Variants in TMTC4 observed in about 807,000 individuals in gnomAD.
TMTC4 encodes transmembrane O-mannosyltransferase targeting cadherins 4, also known as protein O-mannosyl-transferase TMTC4.
Under a neutral mutation model 86.0 loss-of-function variants are expected in TMTC4, and 65 were observed. The observed-to-expected ratio is 0.76, with a 90% CI of 0.62 to 0.93. The LOEUF is 0.93. Among genes scored for constraint, TMTC4 ranks in the 40% least tolerant of loss-of-function variants. TMTC4 has a pLI of 0.00. For missense variants in TMTC4, 866 were observed against 948.1 expected (o/e 0.91, Z 1.14); for synonymous variants, 379 against 382.5 (o/e 0.99, Z 0.11).
At chr13:100,632,937 C>T (rs1228994622) in intron 12 of TMTC4, among the ~76,000 whole-genome samples, 1 of 152,118 alleles carries the variant, frequency 6.6e-6, no homozygotes, top group Non-Finnish European at 1.5e-5. Context: ...ATTCTTCTAA[C>T]CTAACCCCTT....
intron 15 of TMTC4, among the ~76,000 whole-genome samples, chr13:100,619,530 CTG>C (rs1879162881): frequency 6.6e-6 from 1 of 152,200 alleles, no homozygotes; most frequent in Non-Finnish European, 1.5e-5. Flanking sequence ...ACTGGCAAGT[CTG>C]TCTTTTCTTC....
At chr13:100,606,032 A>C (rs570187539) in intron 18 of TMTC4, among the ~76,000 whole-genome samples, 1 of 152,302 alleles carries the variant, frequency 6.6e-6, no homozygotes, top group East Asian at 1.9e-4. Context: ...ACCTACGATT[A>C]ATTTACTAGG....
chr13:100,638,836 C>G (rs1267523271), intron 7 of TMTC4: 2 of 152,290 alleles, frequency 1.3e-5, no homozygotes, highest in African/African-American at 4.8e-5. Flanking sequence ...AGGACGGCCA[C>G]CTCTATCAAT....
At chr13:100,674,052 C>T (rs1887494296) in intron 1 of TMTC4, 2 of 985,146 alleles carry the variant, frequency 2.0e-6, no homozygotes, top group Non-Finnish European at 2.4e-6. Flanking sequence ...CCCATAGCCA[C>T]AACATCAACA....
At chr13:100,623,645 GTTT>G (rs58766408) in intron 15 of TMTC4, among the ~76,000 whole-genome samples, 2 of 113,278 alleles carry the variant, frequency 1.8e-5, no homozygotes, top group Non-Finnish European at 1.7e-5. Flanking sequence ...GTTGGGTTTT[GTTT>G]TTTTTTTTTT....
At chr13:100,655,817 G>C (rs887312198) in intron 6 of TMTC4, among the ~76,000 whole-genome samples, 3 of 151,914 alleles carry the variant, frequency 2.0e-5, no homozygotes, top group African/African-American at 7.3e-5. Flanking sequence ...GGAGTGGTTG[G>C]GTGTAACCAT....
chr13:100,618,762 T>C (rs1301699747), intron 15 of TMTC4, among the ~76,000 whole-genome samples: 1 of 152,198 alleles, frequency 6.6e-6, no homozygotes, highest in Admixed American at 6.5e-5. Context: ...TCCATTCAAC[T>C]CTGAGTGGAC....
At chr13:100,640,878 T>C (rs1021518836) in intron 7 of TMTC4, among the ~76,000 whole-genome samples, 2 of 151,816 alleles carry the variant, frequency 1.3e-5, no homozygotes, top group African/African-American at 4.8e-5. Context: ...ACAACCTTAA[T>C]TTCTATATTT....
intron 7 of TMTC4, 177 bp from the exon 8 acceptor site, chr13:100,638,199 G>C: frequency 1.9e-6 from 1 of 538,656 alleles, no homozygotes. Flanking sequence ...TATGAAATTA[G>C]CTCAAGGTAA....
At position 100,635,134 on chromosome 13, in the gene TMTC4, A is replaced by G. The variant is rs959926939; in HGVS notation, c.1264T>C (p.Phe422Leu). ...TCTGCGACCACGAAGCCCACTCGGA[A>G]GAACAGGTTACTCGCGGGGAGAAAT... ...IPFLPASNLFFRVGFVVAERV... is the reference protein window; with the variant it reads ...IPFLPASNLFLRVGFVVAERV... The change falls in exon 11 of 19, where the codon TTC (phenylalanine) becomes CTC (leucine). Residue 422 changes from phenylalanine to leucine, a missense_variant. Coordinates refer to ENST00000342624, the MANE Select transcript of TMTC4 (RefSeq NM_032813.5). 1.2e-6 allele frequency: 2 copies of G among 1,613,968 alleles called. No individual in the cohort carries two copies. Among genetic ancestry groups the G allele is most frequent in the Admixed American group, 1.7e-5 (1 of 59,964 alleles).
rs892458584 is a variant in TMTC4 at position 100,668,583 on chromosome 13, T to C, written c.215A>G (p.Asn72Ser). The C allele has an allele frequency of 1.2e-6, 2 of 1,613,978 alleles. No individual in the cohort carries two copies. The highest frequency in any genetic ancestry group is 1.3e-5 in the African/African-American group (1 of 74,906). Residue 72 changes from asparagine to serine, a missense_variant, in exon 3 of 19, where the codon AAT becomes AGT. Transcript: ENST00000342624. Reference sequence around the variant, plus strand: ...GAAAAGAGTTGAGATACAAACCTTATTGTTAACAATAGCTTCTGAGTCATC... The same window carrying C: ...GAAAAGAGTTGAGATACAAACCTTACTGTTAACAATAGCTTCTGAGTCATC... ...VFDDSEAIVN[N>S]KDLQAETPLG...
intron 3 of TMTC4, among the ~76,000 whole-genome samples, chr13:100,667,370 A>T (rs1044967445): frequency 6.6e-6 from 1 of 152,152 alleles, no homozygotes; most frequent in Non-Finnish European, 1.5e-5. Flanking sequence ...CAGAGGTTGT[A>T]GTGAGCCAAA....
Position 100,637,678 on chromosome 13 carries a change from C to A in TMTC4, c.859G>T (p.Gly287Cys). 6.2e-7 allele frequency: 1 copy of A among 1,613,964 alleles called. No homozygotes were observed. Among genetic ancestry groups the A allele is most frequent in the South Asian group, 1.1e-5 (1 of 91,066 alleles). Residue 287 changes from glycine (G) to cysteine (C), a missense_variant, in exon 9 of 19, where the codon GGC (glycine) becomes TGC (cysteine). Gly to Cys is a radical substitution (Grantham distance 159). Coordinates refer to ENST00000342624, the MANE Select transcript of TMTC4 (RefSeq NM_032813.5). Reference sequence around the variant, plus strand: ...AGCAGGGTCATTCTGAAGAGGAGGCCCCCGTTCCTGAGCATGCCGAGATTC... The same window carrying A: ...AGCAGGGTCATTCTGAAGAGGAGGCACCCGTTCCTGAGCATGCCGAGATTC... ...LENLGMLRNG[G>C]LLFRMTLLTS...
chr13:100,643,779 G>GGGTCAGCCAAACCT (rs1245092791), intron 6 of TMTC4, among the ~76,000 whole-genome samples: 14 of 152,296 alleles, frequency 9.2e-5, no homozygotes, highest in African/African-American at 3.4e-4. Flanking sequence ...TGTGGTACTT[G>GGGTCAGCCAAACCT]GGTCAGCCAA....
intron 18 of TMTC4, 52 bp downstream of exon 18, chr13:100,606,306 T>G (rs1001977329): frequency 1.3e-6 from 2 of 1,497,794 alleles, no homozygotes; most frequent in Admixed American, 3.4e-5. Context: ...ATGCACCCAC[T>G]TCATTAAAGT....
chr13:100,629,304 TAAC>T (rs1483845175), intron 12 of TMTC4, among the ~76,000 whole-genome samples: 3 of 152,162 alleles, frequency 2.0e-5, no homozygotes, highest in Non-Finnish European at 2.9e-5. Context: ...TGGGTGCTGC[TAAC>T]AACAGTCACG....
intron 9 of TMTC4, among the ~76,000 whole-genome samples, chr13:100,637,187 A>G (rs1306007909): frequency 6.6e-6 from 1 of 152,064 alleles, no homozygotes; most frequent in Non-Finnish European, 1.5e-5. Flanking sequence ...TCTTGACACC[A>G]CTAGTCTTCT....
At chr13:100,651,708 C>T (rs979657981) in intron 6 of TMTC4, among the ~76,000 whole-genome samples, 4 of 152,024 alleles carry the variant, frequency 2.6e-5, no homozygotes, top group African/African-American at 9.7e-5. Flanking sequence ...AATTTATTAA[C>T]TAGTTGAATC....
rs1306899093 is a variant in TMTC4, at chr13:100,668,729, C to T, written c.69G>A (p.Leu23=). Residue 23 remains leucine, a synonymous_variant, in exon 3 of 19, where the codon TTG becomes TTA. Coordinates refer to ENST00000342624, the MANE Select transcript of TMTC4 (RefSeq NM_032813.5). ...HQPAVFRMAV[L]DTDLDHILPS... is the part of the protein sequence containing the mutation. ...GAAGAATGTGATCCAAATCAGTGTC[C>T]AACACGGCCATTCTGAAAACTGCAG... 3.1e-6 allele frequency: 5 copies of T among 1,614,078 alleles called. No homozygotes were observed. Among genetic ancestry groups the T allele is most frequent in the Non-Finnish European group, 4.2e-6 (5 of 1,180,042 alleles).
Sources: gnomAD v4.1 joint callset for allele counts (sites outside exome capture counted in the v4.1 genomes callset) on GRCh38, gnomAD v4.1.1 for gene constraint, MANE v1.5 for transcripts, NCBI Gene and HGNC (gene_info 2026-07-23, HGNC 2026-07-21) for gene names.